Variants in CNTNAP2 observed in about 807,000 individuals in gnomAD.
CNTNAP2 encodes the protein contactin-associated protein-like 2.
A neutral mutation model predicts 155.2 loss-of-function variants in CNTNAP2; 98 were observed. The observed-to-expected ratio is 0.63, with a 90% CI of 0.54 to 0.75. The LOEUF is 0.75. Ranked by LOEUF, CNTNAP2 falls within the 30% of genes least tolerant of loss-of-function variation. The pLI is 0.00. For synonymous variants in CNTNAP2, 651 were observed against 631.2 expected (o/e 1.03, Z -0.47); for missense variants, 1,727 against 1,688.1 (o/e 1.02, Z -0.40).
chr7:147,661,803 G>A (rs981595182), intron 13 of CNTNAP2, among the ~76,000 whole-genome samples: 7 of 151,968 alleles, frequency 4.6e-5, no homozygotes, highest in Admixed American at 1.3e-4. Flanking sequence ...TGCCCACCTC[G>A]GCCTCCCAAA....
At chr7:147,643,266 A>C (rs2116930658) in intron 13 of CNTNAP2, 1 of 152,318 alleles carries the variant, frequency 6.6e-6, no homozygotes, top group South Asian at 2.1e-4. Flanking sequence ...CCTTCAGCTA[A>C]AATAAATTGG....
At chr7:148,186,539 C>T (rs1795118199) in intron 18 of CNTNAP2, among the ~76,000 whole-genome samples, 1 of 152,154 alleles carries the variant, frequency 6.6e-6, no homozygotes, top group Admixed American at 6.5e-5. Flanking sequence ...AGGCAGCCCT[C>T]TTCCTATTTG....
intron 15 of CNTNAP2, among the ~76,000 whole-genome samples, chr7:148,095,209 T>C (rs1310827168): frequency 6.6e-6 from 1 of 152,140 alleles, no homozygotes; most frequent in African/African-American, 2.4e-5. Flanking sequence ...AGTGTAACCC[T>C]GCAAAGAAAG....
At chr7:148,285,553 T>A (rs1421202905) in intron 21 of CNTNAP2, among the ~76,000 whole-genome samples, 1 of 152,272 alleles carries the variant, frequency 6.6e-6, no homozygotes, top group Non-Finnish European at 1.5e-5. Flanking sequence ...TTGAATGCCT[T>A]CCAAGTGTGA....
intron 10 of CNTNAP2, among the ~76,000 whole-genome samples, chr7:147,472,846 G>A (rs1798249214): frequency 6.6e-6 from 1 of 152,158 alleles, no homozygotes; most frequent in South Asian, 2.1e-4. Context: ...CCAAAGATAT[G>A]TTTGATCATA....
At chr7:146,861,510 T>G (rs61368632) in intron 3 of CNTNAP2, among the ~76,000 whole-genome samples, 5,528 of 152,172 alleles carry the variant, frequency 0.036, 323 homozygotes, top group African/African-American at 0.12. Context: ...CATCATAATT[T>G]CTATTAATCT....
Position 148,415,392 on chromosome 7 carries a change from C to T in CNTNAP2, c.3797-25C>T, listed in dbSNP as rs758056909. On this transcript the variant is annotated intron_variant, in intron 23 of 23. Transcript: ENST00000361727. ...GGGACTCCCAAGCCCTGTCTAACCT[C>T]TCGTGCTTCTCCTTTCTCCGTCAGG... is the stretch of plus-strand genomic sequence containing the variant. 11 of 1,610,598 alleles carry T rather than the reference C, an allele frequency of 6.8e-6. No individual in the cohort carries two copies. The South Asian group carries it at 1.1e-4, about 16-fold the overall frequency.
intron 14 of CNTNAP2, among the ~76,000 whole-genome samples, chr7:147,969,209 C>T (rs903405251): frequency 1.3e-5 from 2 of 152,088 alleles, no homozygotes; most frequent in Non-Finnish European, 1.5e-5. Context: ...GCCACCATGC[C>T]CAGCTAATTT....
intron 1 of CNTNAP2, among the ~76,000 whole-genome samples, chr7:146,164,230 A>C (rs17402725): frequency 6.6e-6 from 1 of 151,708 alleles, no homozygotes; most frequent in African/African-American, 2.4e-5. Flanking sequence ...CATTTGCCCT[A>C]TTAAATATGT....
At chr7:147,272,517 G>C (rs1178073794) in intron 8 of CNTNAP2, among the ~76,000 whole-genome samples, 1 of 151,294 alleles carries the variant, frequency 6.6e-6, no homozygotes, top group African/African-American at 2.4e-5. Flanking sequence ...CTATTTTTTC[G>C]AGACAGAGTC....
At chr7:146,998,411 T>C (rs566067555) in intron 3 of CNTNAP2, among the ~76,000 whole-genome samples, 5 of 152,162 alleles carry the variant, frequency 3.3e-5, no homozygotes, top group African/African-American at 1.2e-4. Flanking sequence ...ATGACTTTAA[T>C]CTTAAACTTG....
At chr7:146,520,312 TCATATA>T (rs1563117424) in intron 1 of CNTNAP2, among the ~76,000 whole-genome samples, 2 of 55,454 alleles carry the variant, frequency 3.6e-5, no homozygotes, top group African/African-American at 1.1e-4. Context: ...CTAGATATAT[TCATATA>T]TATATATATA....
chr7:147,675,845 A>C (rs1188011039), intron 13 of CNTNAP2, among the ~76,000 whole-genome samples: 3 of 151,996 alleles, frequency 2.0e-5, no homozygotes, highest in African/African-American at 7.2e-5. Context: ...AAAAACATGG[A>C]TCTGCCACTC....
chr7:147,580,725 C>A (rs1234166162), intron 12 of CNTNAP2, among the ~76,000 whole-genome samples: 1 of 151,960 alleles, frequency 6.6e-6, no homozygotes, highest in Non-Finnish European at 1.5e-5. Context: ...AAGCGATTCT[C>A]CTGCTTCAGC....
chr7:146,668,804 G>A (rs934162100), intron 1 of CNTNAP2, among the ~76,000 whole-genome samples: 2 of 152,040 alleles, frequency 1.3e-5, no homozygotes, highest in African/African-American at 4.8e-5. Flanking sequence ...GTTGTTCATA[G>A]TAGTCTCTAG....
intron 1 of CNTNAP2, among the ~76,000 whole-genome samples, chr7:146,283,338 T>A (rs1800278993): frequency 6.6e-6 from 1 of 151,874 alleles, no homozygotes; most frequent in Non-Finnish European, 1.5e-5. Context: ...ACTACTAACA[T>A]CATGGGAGAA....
At chr7:147,962,675 T>A (rs992614426) in intron 14 of CNTNAP2, among the ~76,000 whole-genome samples, 1 of 152,246 alleles carries the variant, frequency 6.6e-6, no homozygotes, top group Non-Finnish European at 1.5e-5. Flanking sequence ...AAGTGAATAT[T>A]GACAATTTCA....
chr7:147,457,682 G>A lies in CNTNAP2; in HGVS notation c.1671-28253G>A, dbSNP rs192103076. 3.6e-3 allele frequency among the ~76,000 whole-genome samples: 550 copies of A among 151,900 alleles called. 3 individuals carry two copies. The highest frequency in any genetic ancestry group is 0.012 in the African/African-American group (511 of 41,402). On this transcript the variant is annotated intron_variant, in intron 10 of 23. Coordinates refer to ENST00000361727, the MANE Select transcript of CNTNAP2 (RefSeq NM_014141.6). ...TAAATAAATGAATGAACAAATTAAT[G>A]AATGAGCAAGCCCTAGAAACAGTAT...
intron 1 of CNTNAP2, among the ~76,000 whole-genome samples, chr7:146,641,006 C>T (rs1300432779): frequency 6.6e-6 from 1 of 152,084 alleles, no homozygotes; most frequent in Admixed American, 6.5e-5. Flanking sequence ...TAAGGTATAG[C>T]AGCCTTCCAA....
Sources: gnomAD v4.1 joint callset for allele counts (sites outside exome capture counted in the v4.1 genomes callset) on GRCh38, gnomAD v4.1.1 for gene constraint, MANE v1.5 for transcripts, NCBI Gene and HGNC (gene_info 2026-07-23, HGNC 2026-07-21) for gene names.